Variants in RBMS3 observed in about 807,000 individuals in gnomAD.
RBMS3 encodes RNA binding motif single stranded interacting protein 3, also known as RNA-binding motif, single-stranded-interacting protein 3.
Under a neutral mutation model 66.8 loss-of-function variants are expected in RBMS3, and 27 were observed. The ratio of observed to expected loss-of-function variants is 0.40; its 90% CI spans 0.30 to 0.56. The LOEUF is 0.56. RBMS3 is among the 20% of genes least tolerant of loss of function. RBMS3 has a pLI of 0.40. For synonymous variants in RBMS3, 188 were observed against 183.0 expected, an observed-to-expected ratio of 1.03 and a Z score of -0.22; for missense variants, 513 against 549.5, an observed-to-expected ratio of 0.93 and a Z score of 0.66.
intron 2 of RBMS3, among the ~76,000 whole-genome samples, chr3:29,484,738 G>C (rs1410468367): frequency 6.6e-6 from 1 of 152,074 alleles, no homozygotes; most frequent in Non-Finnish European, 1.5e-5. Flanking sequence ...TTCCAACTGG[G>C]TCCCTAAAGC....
rs549245569 is a variant in RBMS3, at chr3:29,492,143, G to A, written c.307+3644G>A. On this transcript the variant is annotated intron_variant, in intron 3 of 14. Transcript: ENST00000383767. ...CATGTAGAGTCTCTGCTTAGCAGTGGTGAGTGAATCACAACCTTCATCAAG... is the reference window on the plus strand; with the variant it reads ...CATGTAGAGTCTCTGCTTAGCAGTGATGAGTGAATCACAACCTTCATCAAG... 2.6e-5 allele frequency among the ~76,000 whole-genome samples: 4 copies of A among 152,284 alleles called. No homozygotes were observed. The South Asian group carries it at 8.3e-4, about 32-fold the overall frequency.
At chr3:30,001,796 ATTTAT>A (rs894279369) in intron 14 of RBMS3, among the ~76,000 whole-genome samples, 6 of 150,724 alleles carry the variant, frequency 4.0e-5, no homozygotes, top group Admixed American at 6.6e-5. Context: ...TTATTTTATT[ATTTAT>A]TTTATTTATT....
At chr3:29,414,331 T>C (rs1205356738) in intron 1 of RBMS3, among the ~76,000 whole-genome samples, 3 of 152,204 alleles carry the variant, frequency 2.0e-5, no homozygotes, top group Non-Finnish European at 1.5e-5. Flanking sequence ...CCACCCACTT[T>C]CTCCATTAAC....
rs2043836097 is a variant in RBMS3 at position 29,498,236 on chromosome 3, C to T, written c.307+9737C>T. 1.3e-5 allele frequency among the ~76,000 whole-genome samples: 2 copies of T among 151,708 alleles called. 1 individual carries two copies. The highest frequency in any genetic ancestry group is 4.2e-4 in the South Asian group (2 of 4,816). On this transcript the variant is annotated intron_variant, in intron 3 of 14. Coordinates refer to ENST00000383767, the MANE Select transcript of RBMS3 (RefSeq NM_001003793.3). ...TCTCGAACTCCTGACCTCAGGTGAT[C>T]CACCTGCCTCGGCCTCCCAAAGTGC...
chr3:29,686,925 T>C (rs1468491493), intron 4 of RBMS3, among the ~76,000 whole-genome samples: 3 of 152,198 alleles, frequency 2.0e-5, no homozygotes, highest in Non-Finnish European at 2.9e-5. Context: ...AGGGTCCTGC[T>C]AGCCTTAGTA....
intron 1 of RBMS3, among the ~76,000 whole-genome samples, chr3:29,420,465 G>A (rs558351746): frequency 6.6e-5 from 10 of 152,288 alleles, no homozygotes; most frequent in African/African-American, 2.4e-4. Flanking sequence ...AGCTGGCTAG[G>A]ACCACTTGTG....
chr3:29,909,540 C>CAG (rs1242382007), intron 10 of RBMS3, among the ~76,000 whole-genome samples: 1 of 152,070 alleles, frequency 6.6e-6, no homozygotes, highest in Non-Finnish European at 1.5e-5. Context: ...CTCCTAAGCA[C>CAG]AGGAGTGTCT....
At chr3:29,822,268 G>C (rs1260502982) in intron 6 of RBMS3, among the ~76,000 whole-genome samples, 3 of 152,138 alleles carry the variant, frequency 2.0e-5, no homozygotes, top group African/African-American at 7.2e-5. Context: ...CTTCAGACCA[G>C]TGAATGCCTA....
chr3:29,997,332 C>G lies in RBMS3; in HGVS notation c.1307+6123C>G, dbSNP rs971964235. 1.3e-5 allele frequency among the ~76,000 whole-genome samples: 2 copies of G among 150,990 alleles called. 1 individual carries two copies. Among genetic ancestry groups the G allele is most frequent in the African/African-American group, 4.9e-5 (2 of 40,734 alleles). ...ACATGGATTCACAGCCGAATTCTAC[C>G]AGAGGTACAAGGAGGAACTGGTACC... On this transcript the variant is annotated intron_variant, in intron 14 of 14. Transcript: ENST00000383767.
chr3:29,951,572 G>A (rs552167161), intron 12 of RBMS3, among the ~76,000 whole-genome samples: 2 of 151,648 alleles, frequency 1.3e-5, no homozygotes, highest in Non-Finnish European at 3.0e-5. Flanking sequence ...ACTCATGATC[G>A]ATATTAAATA....
At chr3:29,584,202 T>A (rs953370934) in intron 3 of RBMS3, among the ~76,000 whole-genome samples, 2 of 152,168 alleles carry the variant, frequency 1.3e-5, no homozygotes, top group Non-Finnish European at 2.9e-5. Flanking sequence ...GCATTTCACA[T>A]AATTGATCTC....
chr3:29,566,868 CTG>C (rs2046762401), intron 3 of RBMS3, among the ~76,000 whole-genome samples: 1 of 152,008 alleles, frequency 6.6e-6, no homozygotes, highest in South Asian at 2.1e-4. Flanking sequence ...ACTCAACAAA[CTG>C]TACACTGAAA....
intron 6 of RBMS3, among the ~76,000 whole-genome samples, chr3:29,821,901 A>G (rs2058085063): frequency 6.6e-6 from 1 of 152,172 alleles, no homozygotes; most frequent in Admixed American, 6.5e-5. Flanking sequence ...TTCTGTCATT[A>G]GAAAACAGAA....
chr3:29,556,553 AGATCATGC>A (rs1175250687), intron 3 of RBMS3: 2 of 152,478 alleles, frequency 1.3e-5, no homozygotes, highest in Non-Finnish European at 2.9e-5. Flanking sequence ...CAGTGAGCCG[AGATCATGC>A]CACTGCACTC....
intron 5 of RBMS3, among the ~76,000 whole-genome samples, chr3:29,753,418 C>T (rs1234596475): frequency 1.3e-5 from 2 of 152,176 alleles, no homozygotes; most frequent in Non-Finnish European, 2.9e-5. Context: ...ATCAGACCAC[C>T]CTCCCACAGG....
At chr3:29,513,653 A>G (rs1444192312) in intron 3 of RBMS3, among the ~76,000 whole-genome samples, 2 of 151,938 alleles carry the variant, frequency 1.3e-5, no homozygotes, top group Admixed American at 1.3e-4. Context: ...ATCTATATAT[A>G]TAATAATTTC....
intron 4 of RBMS3, among the ~76,000 whole-genome samples, chr3:29,596,269 A>T (rs2047939463): frequency 6.6e-6 from 1 of 152,226 alleles, no homozygotes; most frequent in South Asian, 2.1e-4. Flanking sequence ...TATATGAATT[A>T]TGCTAAATGG....
chr3:29,427,573 A>G (rs1489144396), intron 1 of RBMS3, among the ~76,000 whole-genome samples: 1 of 152,244 alleles, frequency 6.6e-6, no homozygotes, highest in Non-Finnish European at 1.5e-5. Context: ...TTACATGTGT[A>G]CGTGCAAGCT....
At chr3:29,317,507 G>A (rs911615905) in intron 1 of RBMS3, among the ~76,000 whole-genome samples, 13 of 151,538 alleles carry the variant, frequency 8.6e-5, no homozygotes, top group South Asian at 2.1e-4. Context: ...TTCAGAAGCC[G>A]CAGAGGCAAA....
Sources: gnomAD v4.1 joint callset for allele counts (sites outside exome capture counted in the v4.1 genomes callset) on GRCh38, gnomAD v4.1.1 for gene constraint, MANE v1.5 for transcripts, NCBI Gene and HGNC (gene_info 2026-07-23, HGNC 2026-07-21) for gene names.